The following SLC30A3 variants were observed in gnomAD, a reference collection of about 807,000 sequenced individuals.
SLC30A3 encodes solute carrier family 30 member 3.
A neutral mutation model predicts 35.6 loss-of-function variants in SLC30A3; 20 were observed. The observed-to-expected ratio is 0.56, with a 90% CI of 0.39 to 0.82. The LOEUF (loss-of-function observed/expected upper bound fraction) is 0.82, where lower values mean the gene tolerates loss of function less well. Among genes scored for constraint, SLC30A3 ranks in the 40% least tolerant of loss-of-function variants. SLC30A3 has a pLI of 0.00. For synonymous variants in SLC30A3, 217 were observed against 224.7 expected (o/e 0.97, Z 0.31); for missense variants, 401 against 530.6 (o/e 0.76, Z 2.40).
rs1677248917 is a variant in SLC30A3, at chr2:27,262,438, T to G, written c.95+374A>C. Among the ~76,000 whole-genome samples the G allele has an allele frequency of 6.6e-6, 1 of 151,710 alleles. No individual in the cohort carries two copies. The highest frequency in any genetic ancestry group is 2.4e-5 in the African/African-American group (1 of 41,316). ...CTCTGAAGCCTGGGCAGCGAGGCGC[T>G]CCCGCCCTGGGCCCGGGGCAATGCG... On this transcript the variant is annotated intron_variant, in intron 1 of 7. Coordinates refer to ENST00000233535, the MANE Select transcript of SLC30A3 (RefSeq NM_003459.5). The surrounding 1 kb of genome is among the most constrained non-coding windows in gnomAD (Gnocchi z 7.5).
chr2:27,258,369 C>T lies in SLC30A3; in HGVS notation c.278-62G>A. ...GAAAATATCATGTAGTGTGTATAGG[C>T]ATGGAAAATAAATTGGGGGATATAC... On this transcript the variant is annotated intron_variant, in intron 2 of 7. Transcript: ENST00000233535. The surrounding 1 kb of genome is among the most constrained non-coding windows in gnomAD (Gnocchi z 4.0). 6.9e-7 allele frequency: 1 copy of T among 1,457,054 alleles called. No homozygotes were observed. The highest frequency in any genetic ancestry group is 2.4e-5 in the East Asian group (1 of 41,948). 90.3% of individuals were successfully genotyped at this position (1,457,054 alleles called of 1,614,324 possible).
chr2:27,266,421 G>A (rs1677497321), upstream of SLC30A3, among the ~76,000 whole-genome samples: 1 of 152,042 alleles, frequency 6.6e-6, no homozygotes, highest in African/African-American at 2.4e-5. Flanking sequence ...CCTAGGCCTT[G>A]GTCACTCTCT....
At position 27,255,385 on chromosome 2, in the gene SLC30A3, C is replaced by T; in HGVS notation, c.1094G>A (p.Cys365Tyr). The T allele has an allele frequency of 6.2e-7, 1 of 1,614,160 alleles. No homozygotes were observed. Among genetic ancestry groups the T allele is most frequent in the Non-Finnish European group, 8.5e-7 (1 of 1,180,032 alleles). Residue 365 changes from cysteine (C) to tyrosine (Y), a missense_variant, in exon 8 of 8, where the codon TGC becomes TAC. Physicochemically the swap from Cys to Tyr is radical, Grantham distance 194. Coordinates refer to ENST00000233535, the MANE Select transcript of SLC30A3 (RefSeq NM_003459.5). The surrounding 1 kb of genome is among the most constrained non-coding windows in gnomAD (Gnocchi z 5.2). Reference protein sequence around the residue: ...RLYSRFGFSSCTLQVEQYQPE... With the variant: ...RLYSRFGFSSYTLQVEQYQPE... ...CTGATACTGCTCGACCTGCAGGGTG[C>T]AGCTGGAGAATCCAAACCGGGAGTA... is the stretch of plus-strand genomic sequence containing the variant.
At position 27,258,440 on chromosome 2, in the gene SLC30A3, T is replaced by G; in HGVS notation, c.278-133A>C. On this transcript the variant is annotated intron_variant, in intron 2 of 7. Coordinates refer to ENST00000233535, the MANE Select transcript of SLC30A3 (RefSeq NM_003459.5). This position sits in a 1 kb window ranked among gnomAD's most constrained non-coding sequence, Gnocchi z 4.0. ...TTTTCTCAGGTGATGGGACTACAGG[T>G]ATAATTAACTACTGTTATGTTATTT... The G allele has an allele frequency of 1.3e-6, 1 of 747,802 alleles. No individual in the cohort carries two copies. The highest frequency in any genetic ancestry group is 2.1e-6 in the Non-Finnish European group (1 of 473,790). 46.3% of individuals were successfully genotyped at this position (747,802 alleles called of 1,614,324 possible). A position where few individuals can be genotyped will look rare whatever the true frequency, so the allele number is the denominator to read the frequency against.
chr2:27,269,136 A>G (rs930203254), intron 1 of SLC30A3, among the ~76,000 whole-genome samples: 1 of 152,172 alleles, frequency 6.6e-6, no homozygotes, highest in African/African-American at 2.4e-5. Flanking sequence ...AACAAACAAA[A>G]AAAATAGTCT....
At chr2:27,274,681 G>C (rs72817537) in intron 1 of SLC30A3, among the ~76,000 whole-genome samples, 1 of 148,324 alleles carries the variant, frequency 6.7e-6, no homozygotes, top group Non-Finnish European at 1.5e-5. Context: ...AAAAAAAAAA[G>C]AAAAGAAAAA....
At chr2:27,275,338 AAG>A in exon 1 of SLC30A3, 1 of 654,098 alleles carries the variant, frequency 1.5e-6, no homozygotes, top group Non-Finnish European at 2.4e-6. Flanking sequence ...CAGGCCTGCT[AAG>A]CCCTCCGCTC....
chr2:27,261,640 T>C (rs1355211693), intron 1 of SLC30A3, among the ~76,000 whole-genome samples: 1 of 152,118 alleles, frequency 6.6e-6, no homozygotes, highest in African/African-American at 2.4e-5. Flanking sequence ...GGTGGCTACA[T>C]GCTGTTTAGA....
At position 27,258,040 on chromosome 2, in the gene SLC30A3, G is replaced by A. The variant is rs146590310; in HGVS notation, c.443C>T (p.Ala148Val). ...GACCATCCAGAGGGAGACCACAGAG[G>A]CCAAAGCCCCCAGAGTCTCTGCGGG... ...WHRSETLGAL[A>V]SVVSLWMVTG... Residue 148 changes from alanine to valine, a missense_variant, in exon 4 of 8, where the codon GCC becomes GTC. Around this residue, in one of 3 missense-constraint regions of SLC30A3, gnomAD observed 296 missense variants for 392.6 expected, o/e 0.75. Transcript: ENST00000233535. The surrounding 1 kb of genome is among the most constrained non-coding windows in gnomAD (Gnocchi z 4.0). The A allele has an allele frequency of 3.7e-6, 6 of 1,614,018 alleles. No individual in the cohort carries two copies. Among genetic ancestry groups the A allele is most frequent in the South Asian group, 1.1e-5 (1 of 91,084 alleles).
upstream of SLC30A3, among the ~76,000 whole-genome samples, chr2:27,265,295 C>G (rs1292037952): frequency 6.6e-6 from 1 of 152,216 alleles, no homozygotes; most frequent in Non-Finnish European, 1.5e-5. The surrounding 1 kb of genome is among the most constrained non-coding windows in gnomAD (Gnocchi z 5.9). Context: ...CCAAACGTGC[C>G]GCCTCCAGAA....
chr2:27,266,543 A>C (rs751282479), upstream of SLC30A3, among the ~76,000 whole-genome samples: 7 of 152,198 alleles, frequency 4.6e-5, no homozygotes, highest in Non-Finnish European at 1.0e-4. Context: ...TTCTGGGTAC[A>C]TAGAGAGTCA....
chr2:27,256,753 G>C, intron 6 of SLC30A3, 35 bp downstream of exon 6: 1 of 1,472,360 alleles, frequency 6.8e-7, no homozygotes, highest in Non-Finnish European at 9.4e-7. Context: ...GTCAGAGAGG[G>C]CCACAGGGAT....
At position 27,258,541 on chromosome 2, in the gene SLC30A3, AGCCCTGACCTACTG is replaced by A; in HGVS notation, c.277+198_277+211del. The A allele has an allele frequency of 1.5e-6, 1 of 657,302 alleles. No homozygotes were observed. The highest frequency in any genetic ancestry group is 2.2e-5 in the South Asian group (1 of 45,958). 40.7% of individuals were successfully genotyped at this position (657,302 alleles called of 1,614,324 possible). ...GAAAATAGGGTTTTTAAAAGAAGTC[AGCCCTGACCTACTG>A]GCCCCGGACCTCGGCTGGAATTCCC... On this transcript the variant is annotated intron_variant, in intron 2 of 7. Coordinates refer to ENST00000233535, the MANE Select transcript of SLC30A3 (RefSeq NM_003459.5). This position sits in a 1 kb window ranked among gnomAD's most constrained non-coding sequence, Gnocchi z 4.0.
Position 27,255,477 on chromosome 2 carries a change from A to G in SLC30A3, c.1019-17T>C. ...CGGTGGAGTCTGTGGGAGAGTGATA[A>G]GAGGCGGCATCCATCCCGGGGGAGA... On this transcript the variant is annotated splice_polypyrimidine_tract_variant and intron_variant, in intron 7 of 7. Transcript: ENST00000233535. This position sits in a 1 kb window ranked among gnomAD's most constrained non-coding sequence, Gnocchi z 5.2. The G allele has an allele frequency of 1.2e-6, 2 of 1,611,228 alleles. No homozygotes were observed. Among genetic ancestry groups the G allele is most frequent in the Non-Finnish European group, 1.7e-6 (2 of 1,179,084 alleles).
upstream of SLC30A3, chr2:27,263,989 C>T (rs1677363873): frequency 1.6e-6 from 2 of 1,271,180 alleles, no homozygotes; most frequent in Non-Finnish European, 2.1e-6. Context: ...AAACTAAAAC[C>T]CAGGGGAGGG....
At chr2:27,264,159 A>G, upstream of SLC30A3, 1 of 882,034 alleles carries the variant, frequency 1.1e-6, no homozygotes, top group Non-Finnish European at 1.6e-6. The surrounding 1 kb of genome is among the most constrained non-coding windows in gnomAD (Gnocchi z 6.1). Flanking sequence ...GGTCCGTAGG[A>G]GGAGGGGAGC....
intron 1 of SLC30A3, among the ~76,000 whole-genome samples, chr2:27,273,062 A>ATG: frequency 6.7e-6 from 1 of 148,896 alleles, no homozygotes; most frequent in African/African-American, 2.5e-5. Context: ...ATATATATAT[A>ATG]TATATGGATA....
At position 27,262,156 on chromosome 2, in the gene SLC30A3, G is replaced by T. The variant is rs1023743813; in HGVS notation, c.95+656C>A. 1 of 151,994 alleles carries T rather than the reference G, an allele frequency of 6.6e-6. No homozygotes were observed. The highest frequency in any genetic ancestry group is 6.6e-5 in the Admixed American group (1 of 15,262). The allele number at this position is 151,994 out of a possible 1,614,324, so 9.4% of individuals were successfully genotyped here. ...GCGGTTCTCCTGCCACCCCCGGCCCGCTGTCCCGGCCGCTCCGCGCGCCTC... is the reference window on the plus strand; with the variant it reads ...GCGGTTCTCCTGCCACCCCCGGCCCTCTGTCCCGGCCGCTCCGCGCGCCTC... On this transcript the variant is annotated intron_variant, in intron 1 of 7. Transcript: ENST00000233535. The surrounding 1 kb of genome is among the most constrained non-coding windows in gnomAD (Gnocchi z 7.5).
rs1369594727 is a variant in SLC30A3 at position 27,271,108 on chromosome 2, A to G, written c.-159+4069T>C. The stretch of plus-strand genomic sequence containing the variant: ...TTATAAAATGAAGGCGTTGGATTCA[A>G]GTTAAATCTCTGAGGTCCCTTCCAG... On this transcript the variant is annotated intron_variant, in intron 1 of 5. Transcript: ENST00000424577. The surrounding 1 kb of genome is among the most constrained non-coding windows in gnomAD (Gnocchi z 4.3). Among the ~76,000 whole-genome samples the G allele has an allele frequency of 6.6e-6, 1 of 152,184 alleles. No individual in the cohort carries two copies. The highest frequency in any genetic ancestry group is 2.4e-5 in the African/African-American group (1 of 41,446).
Sources: gnomAD v4.1 joint callset for allele counts (sites outside exome capture counted in the v4.1 genomes callset) on GRCh38, gnomAD v4.1.1 for gene constraint, gnomAD v4.1.1 regional missense constraint, Gnocchi (gnomAD v3.1) non-coding constraint, MANE v1.5 for transcripts, NCBI Gene and HGNC (gene_info 2026-07-23, HGNC 2026-07-21) for gene names.